Variants in EP300 observed in about 807,000 individuals in gnomAD.
The protein encoded by EP300 is EP300 lysine acetyltransferase.
A neutral mutation model predicts 264.0 loss-of-function variants in EP300; 31 were observed. The ratio of observed to expected loss-of-function variants is 0.12; its 90% CI spans 0.09 to 0.16. The LOEUF is 0.16. EP300 is among the 10% of genes least tolerant of loss of function. The pLI, the probability that EP300 is intolerant of heterozygous loss-of-function variation, is 1.00. For synonymous variants in EP300, 1,340 were observed against 1,045.4 expected, an observed-to-expected ratio of 1.28 and a Z score of -5.44; for missense variants, 2,766 against 3,052.9, an observed-to-expected ratio of 0.91 and a Z score of 2.21.
Position 41,147,509 on chromosome 22 carries a change from G to A in EP300, c.2132-328G>A, listed in dbSNP as rs12167653. Among the ~76,000 whole-genome samples, 7 of 152,018 alleles carry A rather than the reference G, an allele frequency of 4.6e-5. No individual in the cohort carries two copies. In the East Asian group the frequency reaches 5.8e-4, roughly 13 times the overall value. ...TCCCAGCACTTTGGGAGGCTGAGGC[G>A]GGCAGATCACAAGGTCAGGAGATAG... On this transcript the variant is annotated intron_variant, in intron 11 of 30. Coordinates refer to ENST00000263253, the MANE Select transcript of EP300 (RefSeq NM_001429.4).
chr22:41,133,157 C>CCCCCCA (rs1555907911), intron 6 of EP300, among the ~76,000 whole-genome samples: 1 of 119,640 alleles, frequency 8.4e-6, no homozygotes, highest in South Asian at 3.3e-4. Context: ...GATTATCCCC[C>CCCCCCA]CCCCCACCCC....
At chr22:41,135,278 C>T (rs922403839) in intron 6 of EP300, among the ~76,000 whole-genome samples, 5 of 152,176 alleles carry the variant, frequency 3.3e-5, no homozygotes, top group African/African-American at 9.7e-5. Flanking sequence ...TTCCCCTGGC[C>T]TGGAATTTCA....
chr22:41,099,378 C>A (rs1015868559), intron 1 of EP300, among the ~76,000 whole-genome samples: 1 of 152,122 alleles, frequency 6.6e-6, no homozygotes, highest in African/African-American at 2.4e-5. Flanking sequence ...CTTATCCTTG[C>A]GGGATACATT....
At position 41,157,390 on chromosome 22, in the gene EP300, A is replaced by T; in HGVS notation, c.3483A>T (p.Gly1161=). The change falls in exon 18 of 31, where the codon GGA becomes GGT. Residue 1161 remains glycine, a synonymous_variant. Transcript: ENST00000263253. ...QEIDPVMQSL[G]YCCGRKLEFS... is the part of the protein sequence containing the mutation. ...TTGACCCAGTGATGCAAAGCCTTGG[A>T]TACTGTTGTGGCAGAAAGGTAAGAA... is the stretch of plus-strand genomic sequence containing the variant. 1 of 1,613,336 alleles carries T rather than the reference A, an allele frequency of 6.2e-7. No homozygotes were observed. The highest frequency in any genetic ancestry group is 8.5e-7 in the Non-Finnish European group (1 of 1,179,544).
At position 41,140,141 on chromosome 22, in the gene EP300, G is replaced by T; in HGVS notation, c.1762G>T (p.Val588Phe). 6.2e-7 allele frequency: 1 copy of T among 1,611,102 alleles called. No homozygotes were observed. Residue 588 changes from valine to phenylalanine, a missense_variant and splice_region_variant, in exon 9 of 31, where the codon GTC becomes TTC. Coordinates refer to ENST00000263253, the MANE Select transcript of EP300 (RefSeq NM_001429.4). The part of the protein sequence containing the change: ...DLRNHLVHKL[V>F]QAIFPTPDPA... ...AGTGGTAGGATTTTCTTTTTCCAGC[G>T]TCCAAGCCATATTTCCTACGCCGGA...
At chr22:41,164,581 G>A (rs1038426730) in intron 22 of EP300, among the ~76,000 whole-genome samples, 4 of 152,080 alleles carry the variant, frequency 2.6e-5, no homozygotes, top group Non-Finnish European at 5.9e-5. Context: ...GCGTGGTGGT[G>A]CACGCCTGTA....
rs141119157 is a variant in EP300, at chr22:41,160,381, C to T, written c.3591-261C>T. ...TCGTTTGTTTTGTGTTTTTTTTTCT[C>T]CCTCATGCTTGTCGTTGTCTGCACT... On this transcript the variant is annotated intron_variant, in intron 19 of 30. Transcript: ENST00000263253. 79 of 411,942 alleles carry T rather than the reference C, an allele frequency of 1.9e-4. 1 individual carries two copies. Among genetic ancestry groups the T allele is most frequent in the South Asian group, 1.1e-3 (41 of 37,120 alleles). The allele number at this position is 411,942 out of a possible 1,614,324, so 25.5% of individuals were successfully genotyped here. A position where few individuals can be genotyped will look rare whatever the true frequency, so the allele number is the denominator to read the frequency against.
Position 41,151,932 on chromosome 22 carries a change from T to G in EP300, c.2917T>G (p.Ser973Ala), listed in dbSNP as rs780935417. 1 of 1,613,998 alleles carries G rather than the reference T, an allele frequency of 6.2e-7. No individual in the cohort carries two copies. The highest frequency in any genetic ancestry group is 2.2e-5 in the East Asian group (1 of 44,898). ...TCAGGCCATTGCTGAGAAGCAGCCTTCCCAGGAAGTGAAGATGGAGGCCAA... is the reference window on the plus strand; with the variant it reads ...TCAGGCCATTGCTGAGAAGCAGCCTGCCCAGGAAGTGAAGATGGAGGCCAA... ...NSQAIAEKQP[S>A]QEVKMEAKME... The change falls in exon 15 of 31, where the codon TCC (serine) becomes GCC (alanine). Residue 973 changes from serine to alanine, a missense_variant. Coordinates refer to ENST00000263253, the MANE Select transcript of EP300 (RefSeq NM_001429.4).
At chr22:41,132,901 A>C (rs1301868924) in intron 6 of EP300, among the ~76,000 whole-genome samples, 1 of 152,136 alleles carries the variant, frequency 6.6e-6, no homozygotes, top group African/African-American at 2.4e-5. Context: ...CTAATATCTT[A>C]ATTTTGGGAT....
chr22:41,175,923 G>A lies in EP300; in HGVS notation c.4780-324G>A, dbSNP rs567506907. ...GGTGAAACTAACTCAGCATTCGCCA[G>A]TCTCATTGGTGCTCAGCCTGCTGTA... On this transcript the variant is annotated intron_variant, in intron 29 of 30. Coordinates refer to ENST00000263253, the MANE Select transcript of EP300 (RefSeq NM_001429.4). 1.6e-5 allele frequency: 6 copies of A among 365,870 alleles called. 1 individual carries two copies. The highest frequency in any genetic ancestry group is 1.2e-4 in the African/African-American group (6 of 48,722). The allele number at this position is 365,870 out of a possible 1,614,324, so 22.7% of individuals were successfully genotyped here. A position where few individuals can be genotyped will look rare whatever the true frequency, so the allele number is the denominator to read the frequency against.
chr22:41,115,489 G>C (rs1012524248), intron 1 of EP300, among the ~76,000 whole-genome samples: 2 of 152,152 alleles, frequency 1.3e-5, no homozygotes, highest in African/African-American at 4.8e-5. Flanking sequence ...CTGGAGTGCA[G>C]TTGTGCAGTT....
chr22:41,141,567 T>C (rs576836222), intron 10 of EP300, among the ~76,000 whole-genome samples: 149 of 152,368 alleles, frequency 9.8e-4, no homozygotes, highest in Non-Finnish European at 1.6e-3. Flanking sequence ...AGTAAATGTT[T>C]GTAGGCTGAC....
At chr22:41,131,136 G>A (rs760729253) in intron 5 of EP300, among the ~76,000 whole-genome samples, 5 of 152,064 alleles carry the variant, frequency 3.3e-5, no homozygotes, top group Non-Finnish European at 7.4e-5. Context: ...AGTGTTGGTC[G>A]GAACATTAAT....
chr22:41,093,251 C>T (rs2058683898), intron 1 of EP300, among the ~76,000 whole-genome samples, 153 bp downstream of exon 1: 1 of 152,088 alleles, frequency 6.6e-6, no homozygotes, highest in South Asian at 2.1e-4. Flanking sequence ...CGAAGACGTC[C>T]AGTAGCCCAA....
In EP300 at chr22:41,179,876, C is replaced by CCCCACACACA. The variant is rs1266790744; in HGVS notation, c.*921_*922insCCACACACAC. The CCCCACACACA allele has an allele frequency of 1.1e-4, 14 of 131,494 alleles. No homozygotes were observed. Among genetic ancestry groups the CCCCACACACA allele is most frequent in the African/African-American group, 4.3e-4 (12 of 28,028 alleles). 8.1% of individuals were successfully genotyped at this position (131,494 alleles called of 1,614,324 possible). ...GCTTTCTTCCTCCTTACCCTACCCC[C>CCCCACACACA]CACTCACACACACACACACACACAC... On this transcript the variant is annotated 3_prime_UTR_variant, in exon 31 of 31. Coordinates refer to ENST00000263253, the MANE Select transcript of EP300 (RefSeq NM_001429.4).
Position 41,137,684 on chromosome 22 carries a change from T to C in EP300, c.1654T>C (p.Ser552Pro), listed in dbSNP as rs587778263. Residue 552 changes from serine (S) to proline (P), a missense_variant, in exon 8 of 31, where the codon TCC becomes CCC. Physicochemically the swap from Ser to Pro is moderately conservative, Grantham distance 74 (BLOSUM62 -1). Coordinates refer to ENST00000263253, the MANE Select transcript of EP300 (RefSeq NM_001429.4). ...PMMSENASVP[S>P]LGPMPTAAQP... ...GATGAGTGAAAATGCCAGTGTGCCCTCCCTGGGTCCTATGCCAACAGCAGC... is the reference window on the plus strand; with the variant it reads ...GATGAGTGAAAATGCCAGTGTGCCCCCCCTGGGTCCTATGCCAACAGCAGC... 1.2e-6 allele frequency: 2 copies of C among 1,614,190 alleles called. No homozygotes were observed. Among genetic ancestry groups the C allele is most frequent in the Non-Finnish European group, 1.7e-6 (2 of 1,180,018 alleles).
chr22:41,155,035 T>A lies in EP300; in HGVS notation c.3183T>A (p.Thr1061=), dbSNP rs20552. 0.64 allele frequency: 1,025,531 copies of A among 1,612,840 alleles called. 329,576 individuals carry two copies. Among genetic ancestry groups the A allele is most frequent in the Admixed American group, 0.8 (48,111 of 60,006 alleles). ...PEELRQALMP[T]LEALYRQDPE... is the part of the protein sequence containing the mutation. ...AACTACGACAGGCACTGATGCCAAC[T>A]TTGGAGGCACTTTACCGTCAGGATC... Residue 1061 remains threonine (T), a synonymous_variant, in exon 17 of 31, where the codon ACT becomes ACA. Coordinates refer to ENST00000263253, the MANE Select transcript of EP300 (RefSeq NM_001429.4).
chr22:41,153,733 G>A (rs1289292960), intron 16 of EP300, among the ~76,000 whole-genome samples: 1 of 152,142 alleles, frequency 6.6e-6, no homozygotes, highest in African/African-American at 2.4e-5. Context: ...CAGCCTGAGT[G>A]ACAGAGAGTA....
chr22:41,174,406 G>A (rs556751227), intron 29 of EP300, among the ~76,000 whole-genome samples: 26 of 152,260 alleles, frequency 1.7e-4, no homozygotes, highest in South Asian at 1.2e-3. Flanking sequence ...ACGAGACTCT[G>A]TTTCAAAAAA....
Sources: gnomAD v4.1 joint callset for allele counts (sites outside exome capture counted in the v4.1 genomes callset) on GRCh38, gnomAD v4.1.1 for gene constraint, MANE v1.5 for transcripts, NCBI Gene and HGNC (gene_info 2026-07-23, HGNC 2026-07-21) for gene names.